The following ABCB9 variants were observed in gnomAD, a reference collection of about 807,000 sequenced individuals.
ABCB9 encodes ABC-type oligopeptide transporter ABCB9.
Under a neutral mutation model 62.0 loss-of-function variants are expected in ABCB9, and 36 were observed. The observed-to-expected ratio is 0.58, with a 90% CI of 0.45 to 0.77. The LOEUF (loss-of-function observed/expected upper bound fraction) is 0.77, where lower values mean the gene tolerates loss of function less well. Ranked by LOEUF, ABCB9 falls within the 30% of genes least tolerant of loss-of-function variation. The probability of loss-of-function intolerance (pLI) is 0.00; values close to 1 mark genes in which losing one functional copy is unlikely to be tolerated. For synonymous variants in ABCB9, 435 were observed against 461.4 expected, an observed-to-expected ratio of 0.94 and a Z score of 0.73; for missense variants, 943 against 1,054.7, an observed-to-expected ratio of 0.89 and a Z score of 1.47.
upstream of ABCB9, among the ~76,000 whole-genome samples, chr12:122,970,068 G>A (rs576453783): frequency 6.6e-6 from 1 of 152,172 alleles, no homozygotes; most frequent in Non-Finnish European, 1.5e-5. Context: ...GTCCACAGAT[G>A]TTTATAGAAG....
chr12:122,972,101 G>GT (rs2135943437), intron 1 of ABCB9, among the ~76,000 whole-genome samples: 1 of 141,476 alleles, frequency 7.1e-6, no homozygotes, highest in East Asian at 2.0e-4. Flanking sequence ...CTGGAGTGCA[G>GT]TGGTGCAATC....
intron 1 of ABCB9, among the ~76,000 whole-genome samples, chr12:122,973,743 C>T (rs976394196): frequency 6.6e-6 from 1 of 152,044 alleles, no homozygotes; most frequent in Admixed American, 6.6e-5. Context: ...CGCCTGTAGT[C>T]CCAGCTACTC....
Position 122,932,062 on chromosome 12 carries a change from C to A in ABCB9, c.2040+130G>T, listed in dbSNP as rs1346709375. ...ACTCTCAACACCAGGAATTCACCAG[C>A]CCAGGAGGCTGATAGTCTGGGAGAG... is the stretch of plus-strand genomic sequence containing the variant. On this transcript the variant is annotated intron_variant, in intron 11 of 11. Coordinates refer to ENST00000280560, the MANE Select transcript of ABCB9 (RefSeq NM_019625.4). This position sits in a 1 kb window ranked among gnomAD's most constrained non-coding sequence, Gnocchi z 4.7. 3 of 1,489,072 alleles carry A rather than the reference C, an allele frequency of 2.0e-6. No homozygotes were observed. Among genetic ancestry groups the A allele is most frequent in the Non-Finnish European group, 1.8e-6 (2 of 1,103,644 alleles). The allele number at this position is 1,489,072 out of a possible 1,614,324, so 92.2% of individuals were successfully genotyped here. A position where few individuals can be genotyped will look rare whatever the true frequency, so the allele number is the denominator to read the frequency against.
At chr12:122,955,528 C>T (rs1009911733) in intron 2 of ABCB9, among the ~76,000 whole-genome samples, 3 of 152,174 alleles carry the variant, frequency 2.0e-5, no homozygotes, top group African/African-American at 7.2e-5. Context: ...CTGAGGGGCT[C>T]AGGACCTGGG....
In ABCB9 at chr12:122,940,249, C is replaced by G; in HGVS notation, c.1605G>C (p.Thr535=). 3.7e-6 allele frequency: 6 copies of G among 1,607,698 alleles called. No homozygotes were observed. Among genetic ancestry groups the G allele is most frequent in the Non-Finnish European group, 5.1e-6 (6 of 1,176,256 alleles). Residue 535 remains threonine (T), a synonymous_variant, in exon 9 of 12, where the codon ACG becomes ACC. Coordinates refer to ENST00000280560, the MANE Select transcript of ABCB9 (RefSeq NM_019625.4). The surrounding 1 kb of genome is among the most constrained non-coding windows in gnomAD (Gnocchi z 4.8). The part of the protein sequence containing the change: ...VSFSLSPGKV[T]ALVGPSGSGK... ...CACTGCCCGAGGGCCCCACCAGGGC[C>G]GTCACCTTGCCGGGGGACAGGCTGA...
At chr12:122,949,704 C>G in intron 4 of ABCB9, 84 bp downstream of exon 4, 1 of 1,547,322 alleles carries the variant, frequency 6.5e-7, no homozygotes, top group African/African-American at 1.4e-5. Flanking sequence ...ACCACCCACA[C>G]GCCCATTTCA....
At chr12:122,963,492 A>G (rs1235103693) in intron 1 of ABCB9, among the ~76,000 whole-genome samples, 1 of 152,112 alleles carries the variant, frequency 6.6e-6, no homozygotes, top group Non-Finnish European at 1.5e-5. Context: ...CCCATTTTAC[A>G]GTTAGGAAAA....
At chr12:122,967,411 C>T (rs1215933864), upstream of ABCB9, among the ~76,000 whole-genome samples, 1 of 152,192 alleles carries the variant, frequency 6.6e-6, no homozygotes, top group Non-Finnish European at 1.5e-5. Flanking sequence ...GTGGCCTGAA[C>T]CGTGGGAAGT....
Position 122,948,618 on chromosome 12 carries a change from G to C in ABCB9, c.1053+6C>G, listed in dbSNP as rs373960299. 6.3e-5 allele frequency: 102 copies of C among 1,607,600 alleles called. No homozygotes were observed. Among genetic ancestry groups the C allele is most frequent in the South Asian group, 3.8e-4 (34 of 90,158 alleles). Reference sequence around the variant, plus strand: ...ACAGTCCCCAGCAGAGACAGGGCAGGCCTACCTTGTAGTACTTGCCGTAGA... The same window carrying C: ...ACAGTCCCCAGCAGAGACAGGGCAGCCCTACCTTGTAGTACTTGCCGTAGA... On this transcript the variant is annotated splice_donor_region_variant and intron_variant, in intron 5 of 11. Transcript: ENST00000280560.
chr12:122,931,949 C>A, intron 11 of ABCB9: 1 of 645,932 alleles, frequency 1.5e-6, no homozygotes, highest in Non-Finnish European at 2.6e-6. Context: ...TGACCCAGGT[C>A]TCCCCATTCT....
At chr12:122,949,010 T>G in intron 4 of ABCB9, 181 bp from the exon 5 acceptor site, 1 of 522,044 alleles carries the variant, frequency 1.9e-6, no homozygotes, top group Admixed American at 3.7e-5. Context: ...CCAATCCCAG[T>G]CATCAGCATC....
intron 2 of ABCB9, among the ~76,000 whole-genome samples, chr12:122,957,744 G>A (rs1020814690): frequency 7.1e-6 from 1 of 140,722 alleles, no homozygotes; most frequent in African/African-American, 2.7e-5. Flanking sequence ...CTCCCAAAGC[G>A]CTGGGATTAC....
intron 6 of ABCB9, 47 bp downstream of exon 6, chr12:122,945,978 G>C: frequency 6.3e-7 from 1 of 1,593,192 alleles, no homozygotes; most frequent in Non-Finnish European, 8.6e-7. Context: ...CCCCATCTTT[G>C]CATCCCATCC....
At chr12:122,933,706 G>C (rs753844008) in intron 10 of ABCB9, among the ~76,000 whole-genome samples, 6 of 151,482 alleles carry the variant, frequency 4.0e-5, no homozygotes, top group Non-Finnish European at 7.4e-5. Flanking sequence ...TTCATATCGA[G>C]GTAATTTTTT....
chr12:122,940,319 C>G lies in ABCB9; in HGVS notation c.1570-35G>C, dbSNP rs770283915. 2.0e-6 allele frequency: 3 copies of G among 1,528,042 alleles called. No individual in the cohort carries two copies. The African/African-American group carries it at 4.1e-5, about 21-fold the overall frequency. 94.7% of individuals were successfully genotyped at this position (1,528,042 alleles called of 1,614,324 possible). ...ACACACAGGCACAGTGCGGGGTTATCGGCTCAGGTCCCAGGACTGGATGCC... is the reference window on the plus strand; with the variant it reads ...ACACACAGGCACAGTGCGGGGTTATGGGCTCAGGTCCCAGGACTGGATGCC... On this transcript the variant is annotated intron_variant, in intron 8 of 11. Transcript: ENST00000280560. This position sits in a 1 kb window ranked among gnomAD's most constrained non-coding sequence, Gnocchi z 4.8.
intron 2 of ABCB9, among the ~76,000 whole-genome samples, chr12:122,956,857 C>T (rs1343786079): frequency 6.6e-6 from 1 of 152,098 alleles, no homozygotes; most frequent in Non-Finnish European, 1.5e-5. Context: ...GGGGTTTCAC[C>T]ATGTTGGCCA....
chr12:122,918,990 C>T (rs2034684862), downstream of ABCB9, among the ~76,000 whole-genome samples: 1 of 152,064 alleles, frequency 6.6e-6, no homozygotes, highest in Middle Eastern at 3.2e-3. Flanking sequence ...AGAATCATAC[C>T]ATAGGTGACC....
Position 122,923,585 on chromosome 12 carries a change from A to G in ABCB9, c.2041-2542T>C, listed in dbSNP as rs551510992. Reference sequence around the variant, plus strand: ...ATTACAGACATGAGCCAGGGCGCCCAGCCACACTGATACTTACATTGGCTA... The same window carrying G: ...ATTACAGACATGAGCCAGGGCGCCCGGCCACACTGATACTTACATTGGCTA... On this transcript the variant is annotated intron_variant, in intron 11 of 11. Transcript: ENST00000344275. Among the ~76,000 whole-genome samples, 71 of 152,224 alleles carry G rather than the reference A, an allele frequency of 4.7e-4. No homozygotes were observed. In the South Asian group the frequency reaches 7.7e-3, roughly 16 times the overall value.
At position 122,929,987 on chromosome 12, in the gene ABCB9, A is replaced by G. The variant is rs771564666; in HGVS notation, c.2225T>C (p.Met742Thr). The change falls in exon 12 of 12, where the codon ATG becomes ACG. Residue 742 changes from methionine to threonine, a missense_variant. By Grantham distance (81) the Met-to-Thr change is moderately conservative. Coordinates refer to ENST00000280560, the MANE Select transcript of ABCB9 (RefSeq NM_019625.4). The surrounding 1 kb of genome is among the most constrained non-coding windows in gnomAD (Gnocchi z 6.0). ...GLYAKLVQRQMLGLQPAADFT... is the reference protein window; with the variant it reads ...GLYAKLVQRQTLGLQPAADFT... The stretch of plus-strand genomic sequence containing the variant: ...GTCTGCGGCGGGCTGAAGCCCCAGC[A>G]TCTGCCGCTGCACCAGCTTGGCGTA... 2.3e-5 allele frequency: 37 copies of G among 1,577,322 alleles called. 1 individual carries two copies. The South Asian group carries it at 4.3e-4, about 18-fold the overall frequency.
Sources: gnomAD v4.1 joint callset for allele counts (sites outside exome capture counted in the v4.1 genomes callset) on GRCh38, gnomAD v4.1.1 for gene constraint, Gnocchi (gnomAD v3.1) non-coding constraint, MANE v1.5 for transcripts, NCBI Gene and HGNC (gene_info 2026-07-23, HGNC 2026-07-21) for gene names.